FILIP1: variants seen among roughly 807,000 people sequenced by gnomAD.
The protein encoded by FILIP1 is filamin A interacting protein 1, also known as filamin-A-interacting protein 1.
A neutral mutation model predicts 102.1 loss-of-function variants in FILIP1; 61 were observed. The ratio of observed to expected loss-of-function variants is 0.60; its 90% confidence interval spans 0.49 to 0.74. The LOEUF is 0.74. Ranked by LOEUF, FILIP1 falls within the 30% of genes least tolerant of loss-of-function variation. The pLI, the probability that FILIP1 is intolerant of heterozygous loss-of-function variation, is 0.00. For synonymous variants in FILIP1, 491 were observed against 526.9 expected (o/e 0.93, Z 0.93); for missense variants, 1,314 against 1,441.2 (o/e 0.91, Z 1.43).
At chr6:75,383,088 T>TA (rs1351007763) in intron 2 of FILIP1, among the ~76,000 whole-genome samples, 1 of 152,120 alleles carries the variant, frequency 6.6e-6, no homozygotes, top group Non-Finnish European at 1.5e-5. Context: ...AATGCACTGT[T>TA]CTTTGTCTCT....
chr6:75,338,853 C>A (rs1252461117), intron 4 of FILIP1, among the ~76,000 whole-genome samples: 1 of 152,084 alleles, frequency 6.6e-6, no homozygotes, highest in Non-Finnish European at 1.5e-5. Flanking sequence ...ATGCGGGGAA[C>A]AAAAACTCCC....
At chr6:75,429,873 C>T (rs757074947) in intron 1 of FILIP1, among the ~76,000 whole-genome samples, 18 of 152,118 alleles carry the variant, frequency 1.2e-4, no homozygotes, top group Non-Finnish European at 1.9e-4. Flanking sequence ...TTTTGTGTCC[C>T]ATGATACTGC....
At chr6:75,389,445 T>C (rs376839379) in intron 2 of FILIP1, among the ~76,000 whole-genome samples, 39 of 152,320 alleles carry the variant, frequency 2.6e-4, no homozygotes, top group African/African-American at 8.4e-4. Context: ...TCAGAAGGAA[T>C]GGTACCAGCT....
chr6:75,308,831 C>CT lies in FILIP1; in HGVS notation c.3501dup (p.Ala1168SerfsTer22). 3 of 1,614,142 alleles carry CT rather than the reference C, an allele frequency of 1.9e-6. No individual in the cohort carries two copies. On this transcript the variant is annotated frameshift_variant, in exon 6 of 6. Coordinates refer to ENST00000237172, the MANE Select transcript of FILIP1 (RefSeq NM_015687.5). LOFTEE classifies it high-confidence loss of function. ...GGGGCTGCCACTACTGGCTTTCCTG[C>CT]TTTCATACCTTTTGACATAGGAATG... is the stretch of plus-strand genomic sequence containing the variant.
chr6:75,386,606 GACT>G (rs1776103573), intron 2 of FILIP1, among the ~76,000 whole-genome samples: 2 of 152,172 alleles, frequency 1.3e-5, no homozygotes, highest in East Asian at 3.9e-4. Flanking sequence ...ATCTCAAGAT[GACT>G]TAATCACAGC....
At chr6:75,352,875 T>G (rs1258165561) in intron 4 of FILIP1, among the ~76,000 whole-genome samples, 2 of 151,550 alleles carry the variant, frequency 1.3e-5, no homozygotes, top group Non-Finnish European at 2.9e-5. Context: ...TACATTTAAA[T>G]GTAAGTGCTT....
At chr6:75,399,082 A>G (rs1441444315) in intron 2 of FILIP1, 1 of 152,212 alleles carries the variant, frequency 6.6e-6, no homozygotes. Context: ...TTTATTTTTC[A>G]ATGTTTTTCA....
chr6:75,403,944 TCCAAATCCTG>T (rs1482679994), intron 2 of FILIP1, among the ~76,000 whole-genome samples: 1 of 152,156 alleles, frequency 6.6e-6, no homozygotes, highest in African/African-American at 2.4e-5. Flanking sequence ...TGCACTCCAC[TCCAAATCCTG>T]CCATAATCCT....
At chr6:75,446,907 T>C (rs922136622) in intron 1 of FILIP1, among the ~76,000 whole-genome samples, 11 of 152,166 alleles carry the variant, frequency 7.2e-5, no homozygotes, top group African/African-American at 2.7e-4. Flanking sequence ...AAAAACCTGA[T>C]GCCAAGAGTC....
In FILIP1 at chr6:75,396,998, C is replaced by T. The variant is rs554589079; in HGVS notation, c.276+17699G>A. Among the ~76,000 whole-genome samples, 233 of 127,122 alleles carry T rather than the reference C, an allele frequency of 1.8e-3. 1 individual carries two copies. The Middle Eastern group carries it at 0.024, about 13-fold the overall frequency. 83.4% of individuals were successfully genotyped at this position (127,122 alleles called of 152,430 possible). On this transcript the variant is annotated intron_variant, in intron 2 of 5. Transcript: ENST00000237172. ...CATGGACACAGGAAGGGAAACATCA[C>T]ACACCGGGGCCTATTGTGGGGTGGG...
intron 2 of FILIP1, among the ~76,000 whole-genome samples, chr6:75,376,813 G>A (rs552500110): frequency 2.0e-5 from 3 of 152,118 alleles, no homozygotes; most frequent in Non-Finnish European, 4.4e-5. Flanking sequence ...GCAACTCTGT[G>A]TCAGCTTGTG....
At chr6:75,430,021 T>G (rs1777773857) in intron 1 of FILIP1, among the ~76,000 whole-genome samples, 1 of 152,174 alleles carries the variant, frequency 6.6e-6, no homozygotes, top group Non-Finnish European at 1.5e-5. Context: ...AATCTCATCT[T>G]AAATTGTAAT....
intron 2 of FILIP1, among the ~76,000 whole-genome samples, chr6:75,400,501 T>G (rs1776619851): frequency 6.6e-6 from 1 of 152,054 alleles, no homozygotes; most frequent in Admixed American, 6.6e-5. Flanking sequence ...GGTACCTGAA[T>G]AGAATGGAGG....
intron 1 of FILIP1, among the ~76,000 whole-genome samples, chr6:75,453,672 C>T (rs1778716986): frequency 6.6e-6 from 1 of 152,086 alleles, no homozygotes; most frequent in Non-Finnish European, 1.5e-5. Flanking sequence ...GTTAGCCTAG[C>T]TTGGTGTTAT....
At chr6:75,330,182 G>C (rs1774025862) in intron 4 of FILIP1, among the ~76,000 whole-genome samples, 1 of 152,078 alleles carries the variant, frequency 6.6e-6, no homozygotes, top group Admixed American at 6.6e-5. Flanking sequence ...AGTATATCTT[G>C]ATTACTGAGT....
chr6:75,305,619 ACT>A (rs1402953325), downstream of FILIP1, among the ~76,000 whole-genome samples: 1 of 151,918 alleles, frequency 6.6e-6, no homozygotes, highest in African/African-American at 2.4e-5. Context: ...AATGATAAAC[ACT>A]CTTGAGGCTG....
intron 2 of FILIP1, among the ~76,000 whole-genome samples, chr6:75,411,578 G>T (rs532223157): frequency 2.1e-4 from 32 of 151,852 alleles, no homozygotes; most frequent in African/African-American, 7.2e-4. Context: ...TTAATCCATC[G>T]AGTTAATTTT....
chr6:75,311,424 G>A (rs972133872), intron 5 of FILIP1, among the ~76,000 whole-genome samples: 13 of 151,476 alleles, frequency 8.6e-5, no homozygotes, highest in African/African-American at 2.4e-4. Flanking sequence ...TTTAAGTTCC[G>A]GCTTTTGTGC....
At chr6:75,301,860 CCTT>C (rs954494764) in intron 6 of FILIP1, among the ~76,000 whole-genome samples, 1 of 152,080 alleles carries the variant, frequency 6.6e-6, no homozygotes, top group African/African-American at 2.4e-5. Flanking sequence ...TTTCAGCAGC[CCTT>C]CTTCTCTGGA....
Sources: gnomAD v4.1 joint callset for allele counts (sites outside exome capture counted in the v4.1 genomes callset) on GRCh38, gnomAD v4.1.1 for gene constraint, MANE v1.5 for transcripts, NCBI Gene and HGNC (gene_info 2026-07-23, HGNC 2026-07-21) for gene names.